Variants in CRISPLD1 observed in about 807,000 individuals in gnomAD.
The protein encoded by CRISPLD1 is cysteine-rich secretory protein LCCL domain-containing 1.
Under a neutral mutation model 77.5 loss-of-function variants are expected in CRISPLD1, and 60 were observed. The ratio of observed to expected loss-of-function variants is 0.77; its 90% CI spans 0.63 to 0.96. The LOEUF (loss-of-function observed/expected upper bound fraction) is 0.96. Among genes scored for constraint, CRISPLD1 ranks in the 40% least tolerant of loss-of-function variants. The pLI, the probability that CRISPLD1 is intolerant of heterozygous loss-of-function variation, is 0.00. For synonymous variants in CRISPLD1, 195 were observed against 200.1 expected, an observed-to-expected ratio of 0.97 and a Z score of 0.22; for missense variants, 623 against 615.8, an observed-to-expected ratio of 1.01 and a Z score of -0.12.
chr8:75,002,052 G>C (rs1812751592), intron 2 of CRISPLD1, among the ~76,000 whole-genome samples: 1 of 151,958 alleles, frequency 6.6e-6, no homozygotes, highest in Non-Finnish European at 1.5e-5. Flanking sequence ...TCTCAGATTT[G>C]TTTTTAACAA....
At chr8:75,003,237 A>G (rs535950231) in intron 2 of CRISPLD1, among the ~76,000 whole-genome samples, 1 of 152,324 alleles carries the variant, frequency 6.6e-6, no homozygotes, top group East Asian at 1.9e-4. Flanking sequence ...ATACATTTGA[A>G]TGTTTCTTAT....
At chr8:74,994,709 A>G (rs1227744614) in intron 2 of CRISPLD1, among the ~76,000 whole-genome samples, 1 of 152,184 alleles carries the variant, frequency 6.6e-6, no homozygotes, top group East Asian at 1.9e-4. Context: ...GAGAAGTAGA[A>G]CAGGAAACTG....
chr8:74,997,846 G>A (rs1342694411), intron 2 of CRISPLD1, among the ~76,000 whole-genome samples: 1 of 152,206 alleles, frequency 6.6e-6, no homozygotes, highest in Non-Finnish European at 1.5e-5. Flanking sequence ...TGAGGTCACT[G>A]ATGACCTTTC....
At chr8:75,018,419 G>C (rs982257273) in intron 10 of CRISPLD1, among the ~76,000 whole-genome samples, 1 of 152,092 alleles carries the variant, frequency 6.6e-6, no homozygotes, top group Non-Finnish European at 1.5e-5. Flanking sequence ...AGTCTCCCAA[G>C]TAGCTGGAAT....
rs116994145 is a variant in CRISPLD1 at position 74,993,614 on chromosome 8, C to T, written c.258+7369C>T. Among the ~76,000 whole-genome samples the T allele has an allele frequency of 5.8e-4, 88 of 152,178 alleles. 1 individual carries two copies. In the East Asian group the frequency reaches 0.016, roughly 28 times the overall value. ...TTTTTGAAAATTGCACCATAGATGA[C>T]AATACCTATAGAAAAAAAAGTGACA... On this transcript the variant is annotated intron_variant, in intron 2 of 14. Transcript: ENST00000262207.
intron 12 of CRISPLD1, among the ~76,000 whole-genome samples, chr8:75,024,587 A>T (rs1380176203): frequency 1.3e-5 from 2 of 152,084 alleles, no homozygotes. Context: ...GGCCTCCCAG[A>T]GTGCTGGGAT....
intron 2 of CRISPLD1, among the ~76,000 whole-genome samples, chr8:75,001,723 C>T (rs1467609778): frequency 6.7e-6 from 1 of 149,884 alleles, no homozygotes; most frequent in African/African-American, 2.4e-5. Flanking sequence ...TTGATTTAAG[C>T]CTCAATTATG....
chr8:75,030,680 ATGTGTGTG>A (rs34737814), intron 14 of CRISPLD1, among the ~76,000 whole-genome samples: 41 of 146,552 alleles, frequency 2.8e-4, no homozygotes, highest in African/African-American at 8.5e-4. Context: ...CCGGAGATAT[ATGTGTGTG>A]TGTGTGTGTG....
At chr8:75,013,345 T>A (rs1812968627) in intron 4 of CRISPLD1, among the ~76,000 whole-genome samples, 4 of 152,094 alleles carry the variant, frequency 2.6e-5, no homozygotes, top group Admixed American at 2.6e-4. Flanking sequence ...AATATAGTTT[T>A]ATTTACCAAT....
chr8:74,984,978 CCCTTTG>C (rs1353552798), intron 1 of CRISPLD1, 58 bp downstream of exon 1: 1 of 150,864 alleles, frequency 6.6e-6, no homozygotes, highest in African/African-American at 2.5e-5. Flanking sequence ...TTTCCTATCT[CCCTTTG>C]CCTTCTTAAA....
Position 75,016,939 on chromosome 8 carries a change from T to G in CRISPLD1, c.927T>G (p.Asn309Lys), listed in dbSNP as rs748512304. The part of the protein sequence containing the change: ...LRDQCKGTTC[N>K]RYECPAGCLD... ...ATCAGTGCAAAGGAACAACCTGCAA[T>G]AGGTAATATTTGTTATTATTTTGAA... Residue 309 changes from asparagine to lysine, a missense_variant and splice_region_variant, in exon 8 of 15, where the codon AAT becomes AAG. Physicochemically the swap from Asn to Lys is moderately conservative, Grantham distance 94. Coordinates refer to ENST00000262207, the MANE Select transcript of CRISPLD1 (RefSeq NM_031461.6). 7 of 1,545,196 alleles carry G rather than the reference T, an allele frequency of 4.5e-6. No individual in the cohort carries two copies. The South Asian group carries it at 6.2e-5, about 14-fold the overall frequency.
At chr8:75,000,587 GC>G (rs1812723094) in intron 2 of CRISPLD1, among the ~76,000 whole-genome samples, 1 of 151,928 alleles carries the variant, frequency 6.6e-6, no homozygotes, top group Non-Finnish European at 1.5e-5. Flanking sequence ...TCTCCTTTCT[GC>G]TTCCTTTAAG....
chr8:75,013,559 C>A (rs1268495600), intron 4 of CRISPLD1, among the ~76,000 whole-genome samples: 1 of 152,052 alleles, frequency 6.6e-6, no homozygotes, highest in Non-Finnish European at 1.5e-5. Flanking sequence ...CATCAAACTA[C>A]CTGATAACCA....
chr8:74,995,818 A>G (rs1812638413), intron 2 of CRISPLD1, among the ~76,000 whole-genome samples: 1 of 152,166 alleles, frequency 6.6e-6, no homozygotes, highest in South Asian at 2.1e-4. Flanking sequence ...TTAAAAATGG[A>G]AATATTAATT....
chr8:75,029,587 T>C (rs752839139), intron 14 of CRISPLD1, 70 bp downstream of exon 14: 6 of 1,463,440 alleles, frequency 4.1e-6, no homozygotes, highest in Non-Finnish European at 5.6e-6. Flanking sequence ...TGCTTTACAG[T>C]TGACCCACTT....
At chr8:74,989,261 A>T (rs1232084010) in intron 2 of CRISPLD1, among the ~76,000 whole-genome samples, 1 of 152,218 alleles carries the variant, frequency 6.6e-6, no homozygotes, top group Admixed American at 6.5e-5. Flanking sequence ...GTTATTGGTG[A>T]TAGAAACCAG....
chr8:74,991,091 T>G (rs546134622), intron 2 of CRISPLD1, among the ~76,000 whole-genome samples: 2 of 152,016 alleles, frequency 1.3e-5, no homozygotes, highest in African/African-American at 4.8e-5. Flanking sequence ...CTCCAAAGTT[T>G]AAGCGATTCT....
chr8:75,020,486 G>A (rs1813114883), intron 12 of CRISPLD1, among the ~76,000 whole-genome samples: 1 of 152,162 alleles, frequency 6.6e-6, no homozygotes, highest in Non-Finnish European at 1.5e-5. Flanking sequence ...CTGGTCTACA[G>A]ATGGCCACCT....
At chr8:74,989,647 A>G (rs1812544573) in intron 2 of CRISPLD1, among the ~76,000 whole-genome samples, 1 of 151,584 alleles carries the variant, frequency 6.6e-6, no homozygotes, top group Non-Finnish European at 1.5e-5. Context: ...TCCAGATACT[A>G]GTCCTTTGTC....
Sources: allele counts gnomAD v4.1 joint callset (sites outside exome capture counted in the v4.1 genomes callset), GRCh38; gene constraint gnomAD v4.1.1; transcripts MANE v1.5; gene names NCBI Gene and HGNC (gene_info 2026-07-23, HGNC 2026-07-21).